RELCH: variants seen among roughly 807,000 people sequenced by gnomAD.
RELCH encodes RAB11 binding and LisH domain, coiled-coil and HEAT repeat containing.
Under a neutral mutation model 150.3 loss-of-function variants are expected in RELCH, and 41 were observed. The ratio of observed to expected loss-of-function variants is 0.27; its 90% CI spans 0.21 to 0.35. The LOEUF (loss-of-function observed/expected upper bound fraction) is 0.35, where lower values mean the gene tolerates loss of function less well. Ranked by LOEUF, RELCH falls within the 10% of genes least tolerant of loss-of-function variation. The pLI is 1.00. For missense variants in RELCH, 1,092 were observed against 1,467.8 expected, an observed-to-expected ratio of 0.74 and a Z score of 4.18; for synonymous variants, 478 against 531.8, an observed-to-expected ratio of 0.90 and a Z score of 1.39.
At chr18:62,227,744 G>A in intron 7 of RELCH, 55 bp downstream of exon 7, 1 of 789,212 alleles carries the variant, frequency 1.3e-6, no homozygotes, top group South Asian at 2.2e-5. Context: ...AAAAGTATTG[G>A]CAAGTTATGC....
At chr18:62,188,982 A>AT (rs966912351) in intron 1 of RELCH, among the ~76,000 whole-genome samples, 63 of 151,702 alleles carry the variant, frequency 4.2e-4, no homozygotes, top group African/African-American at 1.4e-3. Flanking sequence ...AGCCTAATTG[A>AT]TTTTTTTTTA....
At position 62,243,709 on chromosome 18, in the gene RELCH, CTT is replaced by C. The variant is rs2042261566; in HGVS notation, c.1621-1051_1621-1050del. Among the ~76,000 whole-genome samples the C allele has an allele frequency of 2.0e-5, 3 of 151,962 alleles. No homozygotes were observed. The South Asian group carries it at 6.2e-4, about 32-fold the overall frequency. ...TGTGAAAATACTTCAACAGTGTAGA[CTT>C]TTTATCATGCTTTTCTTCAGGTTAC... On this transcript the variant is annotated intron_variant, in intron 10 of 28. Coordinates refer to ENST00000644646, the MANE Select transcript of RELCH (RefSeq NM_001346231.2).
chr18:62,202,117 A>G (rs1167821846), intron 1 of RELCH, among the ~76,000 whole-genome samples: 1 of 152,206 alleles, frequency 6.6e-6, no homozygotes, highest in Non-Finnish European at 1.5e-5. Flanking sequence ...TCTGAGTTAT[A>G]AAGTGAATTG....
chr18:62,297,189 G>A (rs2045450931), intron 27 of RELCH, among the ~76,000 whole-genome samples: 1 of 152,190 alleles, frequency 6.6e-6, no homozygotes, highest in Non-Finnish European at 1.5e-5. Flanking sequence ...GAAAATAAGT[G>A]ACAGCTAGTT....
intron 10 of RELCH, among the ~76,000 whole-genome samples, chr18:62,243,410 T>C (rs928064129): frequency 3.9e-5 from 6 of 152,304 alleles, no homozygotes; most frequent in Middle Eastern, 3.4e-3. Context: ...AAAATTATTT[T>C]TCCTAATCAT....
chr18:62,279,674 TTC>T (rs1389444326), intron 22 of RELCH, 98 bp from the exon 23 acceptor site: 15 of 759,212 alleles, frequency 2.0e-5, no homozygotes, highest in Admixed American at 1.0e-4. Flanking sequence ...CTTTTGTGTT[TTC>T]TCTCTTTCTC....
At chr18:62,247,842 G>A (rs1187923944) in intron 11 of RELCH, among the ~76,000 whole-genome samples, 4 of 152,054 alleles carry the variant, frequency 2.6e-5, no homozygotes, top group Non-Finnish European at 2.9e-5. Context: ...CCACTGTGCC[G>A]AGCTGATAAA....
At chr18:62,201,174 C>T (rs907250529) in intron 1 of RELCH, among the ~76,000 whole-genome samples, 12 of 151,690 alleles carry the variant, frequency 7.9e-5, no homozygotes, top group Non-Finnish European at 1.8e-4. Flanking sequence ...GGAGTTTCAC[C>T]GTTTCAGCCA....
At chr18:62,247,077 A>G (rs1402432601) in intron 11 of RELCH, 2 of 152,180 alleles carry the variant, frequency 1.3e-5, no homozygotes, top group Non-Finnish European at 2.9e-5. Flanking sequence ...TTAAATTATT[A>G]TGTCTTTAAT....
chr18:62,246,861 A>G (rs2042440661), intron 11 of RELCH: 1 of 152,228 alleles, frequency 6.6e-6, no homozygotes, highest in Non-Finnish European at 1.5e-5. Flanking sequence ...ATCCTTAAAT[A>G]TGTGGTTTTA....
chr18:62,203,918 A>G (rs541472823), intron 1 of RELCH, among the ~76,000 whole-genome samples: 4 of 152,162 alleles, frequency 2.6e-5, no homozygotes, highest in South Asian at 4.1e-4. Context: ...GTTTTGGGTT[A>G]CAGCGAGCTA....
At chr18:62,227,736 A>C in intron 7 of RELCH, 47 bp downstream of exon 7, 1 of 878,370 alleles carries the variant, frequency 1.1e-6, no homozygotes, top group African/African-American at 1.7e-5. Flanking sequence ...AGGTGTTTAA[A>C]AGTATTGGCA....
intron 25 of RELCH, among the ~76,000 whole-genome samples, chr18:62,283,196 C>T (rs537655921): frequency 6.6e-4 from 100 of 152,246 alleles, no homozygotes; most frequent in Middle Eastern, 6.8e-3. Context: ...ACTTAGCATG[C>T]CATTCAGCAC....
chr18:62,291,480 C>A, intron 26 of RELCH, 63 bp from the exon 27 acceptor site: 1 of 890,694 alleles, frequency 1.1e-6, no homozygotes, highest in Non-Finnish European at 1.8e-6. Flanking sequence ...TGTAGTAACT[C>A]GGTTGTTCTG....
At chr18:62,209,592 A>G (rs374458712) in intron 1 of RELCH, among the ~76,000 whole-genome samples, 1 of 151,168 alleles carries the variant, frequency 6.6e-6, no homozygotes, top group East Asian at 1.9e-4. Context: ...TTGTTCAGCT[A>G]TTCTGAGACT....
intron 2 of RELCH, among the ~76,000 whole-genome samples, chr18:62,217,250 GA>G (rs1197581502): frequency 1.3e-5 from 2 of 151,812 alleles, no homozygotes; most frequent in Non-Finnish European, 2.9e-5. Context: ...TGGGAAAAAA[GA>G]AAAAGAGTTT....
chr18:62,259,804 G>T, intron 15 of RELCH, among the ~76,000 whole-genome samples: 1 of 151,942 alleles, frequency 6.6e-6, no homozygotes, highest in East Asian at 1.9e-4. Flanking sequence ...CAGTGTAATA[G>T]AGTAGAGAAC....
intron 10 of RELCH, among the ~76,000 whole-genome samples, chr18:62,243,283 G>A (rs529291754): frequency 2.2e-4 from 33 of 152,070 alleles, no homozygotes; most frequent in African/African-American, 7.9e-4. Flanking sequence ...TTACTATTTT[G>A]TAAAAGGTTG....
Position 62,258,239 on chromosome 18 carries a change from T to C in RELCH, c.2037+151T>C, listed in dbSNP as rs969589623. The C allele has an allele frequency of 6.1e-5, 47 of 770,676 alleles. No individual in the cohort carries two copies. In the African/African-American group the frequency reaches 8.1e-4, roughly 13 times the overall value. The allele number at this position is 770,676 out of a possible 1,614,324, so 47.7% of individuals were successfully genotyped here. A position where few individuals can be genotyped will look rare whatever the true frequency, so the allele number is the denominator to read the frequency against. On this transcript the variant is annotated intron_variant, in intron 14 of 28. Coordinates refer to ENST00000644646, the MANE Select transcript of RELCH (RefSeq NM_001346231.2). The stretch of plus-strand genomic sequence containing the variant: ...TCTGGGGATGGCTGCCTGGTTTCAA[T>C]TTTGCAGCTCAGAGGAGAGAATGCT...
Sources: gnomAD v4.1 joint callset for allele counts (sites outside exome capture counted in the v4.1 genomes callset) on GRCh38, gnomAD v4.1.1 for gene constraint, MANE v1.5 for transcripts, NCBI Gene and HGNC (gene_info 2026-07-23, HGNC 2026-07-21) for gene names.